Variants in NCOA2 observed in about 807,000 individuals in gnomAD.
The protein encoded by NCOA2 is class E basic helix-loop-helix protein 75.
In NCOA2, 21 loss-of-function variants were observed where a neutral mutation model predicts 145.1. That is an observed-to-expected ratio of 0.14 (90% CI 0.10 to 0.21). NCOA2 has a LOEUF of 0.21. Among genes scored for constraint, NCOA2 ranks in the 10% least tolerant of loss-of-function variants. The pLI, the probability that NCOA2 is intolerant of heterozygous loss-of-function variation, is 1.00. For synonymous variants in NCOA2, 619 were observed against 637.5 expected (o/e 0.97, Z 0.44); for missense variants, 1,472 against 1,837.6 (o/e 0.80, Z 3.64).
In NCOA2 at chr8:70,335,155, A is replaced by AAAAAAAAAAAAT. The variant is rs774576238; in HGVS notation, c.-76-38356_-76-38355insATTTTTTTTTTT. ...AAAAAAAAAAAAAAAAAAAAAAAAG[A>AAAAAAAAAAAAT]TCTCTCCCTATGACCATTTTCTCAG... On this transcript the variant is annotated intron_variant, in intron 1 of 22. Transcript: ENST00000452400. Among the ~76,000 whole-genome samples, 8 of 115,384 alleles carry AAAAAAAAAAAAT rather than the reference A, an allele frequency of 6.9e-5. 1 individual carries two copies. Among genetic ancestry groups the AAAAAAAAAAAAT allele is most frequent in the South Asian group, 6.1e-4 (2 of 3,264 alleles). 75.7% of individuals were successfully genotyped at this position (115,384 alleles called of 152,430 possible).
chr8:70,216,549 A>C, intron 3 of NCOA2, 111 bp downstream of exon 3: 1 of 894,622 alleles, frequency 1.1e-6, no homozygotes, highest in South Asian at 1.4e-5. Flanking sequence ...GTTAAGGAGA[A>C]AAACCAACTC....
chr8:70,339,486 T>C (rs1462242561), intron 1 of NCOA2, among the ~76,000 whole-genome samples: 1 of 152,090 alleles, frequency 6.6e-6, no homozygotes, highest in Non-Finnish European at 1.5e-5. Context: ...AAATTCAATA[T>C]TATGAAAATG....
At chr8:70,203,920 T>C (rs1236021366) in intron 4 of NCOA2, among the ~76,000 whole-genome samples, 1 of 152,194 alleles carries the variant, frequency 6.6e-6, no homozygotes, top group Non-Finnish European at 1.5e-5. Context: ...TATATTCTAG[T>C]CTAAAACAAT....
chr8:70,385,709 G>A (rs1310277175), intron 1 of NCOA2, among the ~76,000 whole-genome samples: 2 of 152,166 alleles, frequency 1.3e-5, no homozygotes, highest in Admixed American at 6.5e-5. Context: ...TTACAGGCAT[G>A]AGCCACTGCA....
At chr8:70,250,316 T>G (rs1380499091) in intron 2 of NCOA2, among the ~76,000 whole-genome samples, 1 of 136,438 alleles carries the variant, frequency 7.3e-6, no homozygotes, top group African/African-American at 2.7e-5. Flanking sequence ...CATCTGAACC[T>G]GGAAGGCCAA....
chr8:70,222,226 G>A (rs1820202467), intron 2 of NCOA2, among the ~76,000 whole-genome samples: 1 of 152,172 alleles, frequency 6.6e-6, no homozygotes, highest in Admixed American at 6.5e-5. Flanking sequence ...TACTAGTTTA[G>A]AGCAGTTTAC....
intron 1 of NCOA2, among the ~76,000 whole-genome samples, chr8:70,370,493 T>G (rs1016857193): frequency 1.3e-5 from 2 of 152,176 alleles, no homozygotes; most frequent in Non-Finnish European, 2.9e-5. Context: ...ATCAGCACAC[T>G]GGGTCTTATT....
At chr8:70,172,101 C>A (rs201555404) in intron 5 of NCOA2, among the ~76,000 whole-genome samples, 8 of 152,124 alleles carry the variant, frequency 5.3e-5, no homozygotes, top group African/African-American at 1.7e-4. Flanking sequence ...GGTGAAATTA[C>A]AGGCATGAGC....
intron 22 of NCOA2, among the ~76,000 whole-genome samples, chr8:70,119,650 T>G (rs1422726327): frequency 6.6e-6 from 1 of 152,226 alleles, no homozygotes; most frequent in Non-Finnish European, 1.5e-5. Context: ...GCTCTACTAG[T>G]TTACATTCCA....
rs753017653 is a variant in NCOA2, at chr8:70,166,758, A to G, written c.542-4T>C. 1.2e-5 allele frequency: 19 copies of G among 1,611,952 alleles called. No homozygotes were observed. The highest frequency in any genetic ancestry group is 1.4e-5 in the Non-Finnish European group (17 of 1,178,556). The stretch of plus-strand genomic sequence containing the variant: ...CCAGACCAAGATCCCCCATTTACTG[A>G]GCAAGGCAAAAGTAATCCAGTTTTA... On this transcript the variant is annotated splice_polypyrimidine_tract_variant and splice_region_variant and intron_variant, in intron 6 of 22. Coordinates refer to ENST00000452400, the MANE Select transcript of NCOA2 (RefSeq NM_006540.4).
Position 70,133,200 on chromosome 8 carries a change from C to CTTTTTTTTTTTTTT in NCOA2, c.3159-1212_3159-1199dup, listed in dbSNP as rs57813061. Among the ~76,000 whole-genome samples, 17 of 106,966 alleles carry CTTTTTTTTTTTTTT rather than the reference C, an allele frequency of 1.6e-4. 2 individuals are homozygous for CTTTTTTTTTTTTTT. Among genetic ancestry groups the CTTTTTTTTTTTTTT allele is most frequent in the African/African-American group, 6.8e-4 (17 of 24,854 alleles). 70.2% of individuals were successfully genotyped at this position (106,966 alleles called of 152,430 possible). A position where few individuals can be genotyped will look rare whatever the true frequency, so the allele number is the denominator to read the frequency against. ...TGTGTGCCACCACAACTGGCTGCTA[C>CTTTTTTTTTTTTTT]TTTTTTTTTTTTTTTTTTTTGGTAA... On this transcript the variant is annotated intron_variant, in intron 15 of 22. Coordinates refer to ENST00000452400, the MANE Select transcript of NCOA2 (RefSeq NM_006540.4).
At position 70,182,984 on chromosome 8, in the gene NCOA2, A is replaced by T. The variant is rs187425722; in HGVS notation, c.260-8125T>A. The stretch of plus-strand genomic sequence containing the variant: ...ATATTACTACATTTATTATGGCAGC[A>T]TTCATTCATTCCCTGATATGATAAT... On this transcript the variant is annotated intron_variant, in intron 4 of 22. Transcript: ENST00000452400. Among the ~76,000 whole-genome samples, 13 of 152,368 alleles carry T rather than the reference A, an allele frequency of 8.5e-5. No individual in the cohort carries two copies. The East Asian group carries it at 2.5e-3, about 29-fold the overall frequency.
intron 4 of NCOA2, among the ~76,000 whole-genome samples, chr8:70,178,082 A>G (rs933165578): frequency 2.0e-5 from 3 of 152,250 alleles, no homozygotes; most frequent in African/African-American, 7.2e-5. Flanking sequence ...TGTGTGATAC[A>G]AAAACCTTAC....
chr8:70,110,553 A>G lies in NCOA2; in HGVS notation c.*3079T>C, dbSNP rs1337275097. On this transcript the variant is annotated 3_prime_UTR_variant, in exon 23 of 23. Coordinates refer to ENST00000452400, the MANE Select transcript of NCOA2 (RefSeq NM_006540.4). ...AAACACTAGAAAATTTTAAATTCAC[A>G]CCAACAATTAATGGCTTAAGTTGCA... 1 of 205,428 alleles carries G rather than the reference A, an allele frequency of 4.9e-6. No individual in the cohort carries two copies. Among genetic ancestry groups the G allele is most frequent in the African/African-American group, 2.3e-5 (1 of 43,872 alleles). 12.7% of individuals were successfully genotyped at this position (205,428 alleles called of 1,614,324 possible). A position where few individuals can be genotyped will look rare whatever the true frequency, so the allele number is the denominator to read the frequency against.
At chr8:70,317,886 C>T (rs548347014) in intron 1 of NCOA2, among the ~76,000 whole-genome samples, 31 of 152,180 alleles carry the variant, frequency 2.0e-4, no homozygotes, top group African/African-American at 7.0e-4. Flanking sequence ...GATCATGTCA[C>T]TGTATTCCAG....
At chr8:70,314,976 T>C (rs1381726868) in intron 1 of NCOA2, among the ~76,000 whole-genome samples, 2 of 152,208 alleles carry the variant, frequency 1.3e-5, no homozygotes, top group Non-Finnish European at 2.9e-5. Flanking sequence ...TTTCATTTAT[T>C]TGAGTGTCCT....
At chr8:70,216,177 A>G (rs1000462278) in intron 3 of NCOA2, among the ~76,000 whole-genome samples, 6 of 152,244 alleles carry the variant, frequency 3.9e-5, no homozygotes, top group African/African-American at 1.4e-4. Flanking sequence ...CATGGGCATT[A>G]TAACAACTCA....
At position 70,111,294 on chromosome 8, in the gene NCOA2, G is replaced by A. The variant is rs1419252477; in HGVS notation, c.*2338C>T. On this transcript the variant is annotated 3_prime_UTR_variant, in exon 23 of 23. Coordinates refer to ENST00000452400, the MANE Select transcript of NCOA2 (RefSeq NM_006540.4). The stretch of plus-strand genomic sequence containing the variant: ...TTTGGACGGTGTTGTAGTGAAAAGG[G>A]ACTTGAAACTCAAAACAAAACAAAT... 1 of 226,590 alleles carries A rather than the reference G, an allele frequency of 4.4e-6. No homozygotes were observed. Among genetic ancestry groups the A allele is most frequent in the African/African-American group, 2.2e-5 (1 of 44,966 alleles). The allele number at this position is 226,590 out of a possible 1,614,324, so 14.0% of individuals were successfully genotyped here.
chr8:70,312,114 C>T (rs1805175089), intron 1 of NCOA2, among the ~76,000 whole-genome samples: 1 of 152,170 alleles, frequency 6.6e-6, no homozygotes, highest in Admixed American at 6.5e-5. Context: ...GAAATCAGAT[C>T]TTCTGACTCT....
Sources: allele counts gnomAD v4.1 joint callset (sites outside exome capture counted in the v4.1 genomes callset), GRCh38; gene constraint gnomAD v4.1.1; transcripts MANE v1.5; gene names NCBI Gene and HGNC (gene_info 2026-07-23, HGNC 2026-07-21).